Variants in NCKAP5 observed in about 807,000 individuals in gnomAD.
NCKAP5 encodes nck-associated protein 5.
NCKAP5 carries 92 observed loss-of-function variants against 167.0 expected under a neutral mutation model. The ratio of observed to expected loss-of-function variants is 0.55; its 90% CI spans 0.47 to 0.66. NCKAP5 has a LOEUF of 0.66. Ranked by LOEUF, NCKAP5 falls within the 30% of genes least tolerant of loss-of-function variation. The pLI is 0.00. For synonymous variants in NCKAP5, 891 were observed against 877.4 expected (o/e 1.02, Z -0.27); for missense variants, 2,378 against 2,315.0 (o/e 1.03, Z -0.56).
intron 3 of NCKAP5, among the ~76,000 whole-genome samples, chr2:133,344,259 A>G (rs1683799005): frequency 6.6e-6 from 1 of 152,078 alleles, no homozygotes. Context: ...AAATACAAAA[A>G]TTAGCTAGGC....
intron 6 of NCKAP5, among the ~76,000 whole-genome samples, chr2:133,059,514 A>T (rs1288948948): frequency 6.6e-6 from 1 of 151,480 alleles, no homozygotes; most frequent in Non-Finnish European, 1.5e-5. Context: ...CTACAAAAAA[A>T]TTACAAAAAT....
chr2:132,965,904 T>TTGTGTGTGTGTGTGTGTGTG (rs60589235), intron 7 of NCKAP5, among the ~76,000 whole-genome samples: 8 of 140,960 alleles, frequency 5.7e-5, no homozygotes, highest in African/African-American at 1.8e-4. Context: ...ACATGACTCT[T>TTGTGTGTGTGTGTGTGTGTG]TGTGTGTGTG....
At chr2:133,326,492 A>T (rs1008039582) in intron 3 of NCKAP5, among the ~76,000 whole-genome samples, 1 of 151,834 alleles carries the variant, frequency 6.6e-6, no homozygotes, top group African/African-American at 2.4e-5. Context: ...AGAAAAAGAA[A>T]GACAACAAAG....
At chr2:133,153,833 C>CTTTTTTTTTT (rs570596198) in intron 5 of NCKAP5, among the ~76,000 whole-genome samples, 1 of 109,764 alleles carries the variant, frequency 9.1e-6, no homozygotes, top group African/African-American at 3.7e-5. Flanking sequence ...GTTCCTCCTT[C>CTTTTTTTTTT]TTTTTTTTTT....
intron 16 of NCKAP5, among the ~76,000 whole-genome samples, chr2:132,739,739 A>G (rs1034679534): frequency 6.6e-6 from 1 of 152,150 alleles, no homozygotes; most frequent in Non-Finnish European, 1.5e-5. Flanking sequence ...CCTTTTGGCA[A>G]TCATTTCCCT....
chr2:132,726,626 G>C (rs1392204204), intron 18 of NCKAP5, among the ~76,000 whole-genome samples: 3 of 152,206 alleles, frequency 2.0e-5, no homozygotes, highest in African/African-American at 7.2e-5. Flanking sequence ...ATGGGTCTCT[G>C]AAGTTTGTTT....
chr2:133,327,257 T>C (rs753666646), intron 3 of NCKAP5, among the ~76,000 whole-genome samples: 1 of 152,210 alleles, frequency 6.6e-6, no homozygotes. Context: ...GGAAGCACAA[T>C]ACAGCTTCCA....
chr2:133,213,602 ATTAAG>A, intron 5 of NCKAP5, 109 bp downstream of exon 5: 1 of 994,726 alleles, frequency 1.0e-6, no homozygotes, highest in Non-Finnish European at 1.5e-6. Context: ...CCAAAATATC[ATTAAG>A]TTTGCTGCAA....
At chr2:133,515,493 G>A (rs1282036975) in intron 3 of NCKAP5, among the ~76,000 whole-genome samples, 1 of 152,152 alleles carries the variant, frequency 6.6e-6, no homozygotes, top group African/African-American at 2.4e-5. Flanking sequence ...GCATGACACA[G>A]GGAGACTTAA....
intron 11 of NCKAP5, among the ~76,000 whole-genome samples, chr2:132,817,257 C>T (rs114576880): frequency 2.4e-4 from 37 of 152,278 alleles, no homozygotes; most frequent in African/African-American, 8.4e-4. Context: ...AATACCATCT[C>T]ATTATTGACA....
intron 5 of NCKAP5, among the ~76,000 whole-genome samples, chr2:133,168,760 C>A (rs1574253896): frequency 6.6e-6 from 1 of 152,132 alleles, no homozygotes; most frequent in South Asian, 2.1e-4. Flanking sequence ...TCGCTTCAAT[C>A]CATTTTTCCC....
At chr2:132,717,586 A>C (rs1185594115) in intron 19 of NCKAP5, among the ~76,000 whole-genome samples, 1 of 152,200 alleles carries the variant, frequency 6.6e-6, no homozygotes, top group Non-Finnish European at 1.5e-5. Flanking sequence ...ATTAGTTATG[A>C]ATCTCTAAAT....
chr2:132,879,272 C>G (rs1430068721), intron 8 of NCKAP5, among the ~76,000 whole-genome samples: 1 of 152,080 alleles, frequency 6.6e-6, no homozygotes, highest in Non-Finnish European at 1.5e-5. Flanking sequence ...CATTAAGGCC[C>G]ATCACAGACT....
At chr2:132,850,167 T>C (rs1254320674) in intron 11 of NCKAP5, among the ~76,000 whole-genome samples, 2 of 152,198 alleles carry the variant, frequency 1.3e-5, no homozygotes, top group Non-Finnish European at 2.9e-5. Flanking sequence ...TAGATCCATG[T>C]CCTTATTCAG....
chr2:133,471,422 G>T (rs1679296535), intron 3 of NCKAP5, among the ~76,000 whole-genome samples: 1 of 152,148 alleles, frequency 6.6e-6, no homozygotes, highest in East Asian at 1.9e-4. Flanking sequence ...AAAAGCAAAT[G>T]ACATTTCTCT....
intron 3 of NCKAP5, among the ~76,000 whole-genome samples, chr2:133,317,146 A>G (rs1681665850): frequency 6.6e-6 from 1 of 152,216 alleles, no homozygotes; most frequent in South Asian, 2.1e-4. Context: ...TGTATCACCA[A>G]TAGAGAACAT....
At chr2:133,470,061 C>T (rs1045167425) in intron 3 of NCKAP5, among the ~76,000 whole-genome samples, 5 of 152,136 alleles carry the variant, frequency 3.3e-5, no homozygotes, top group African/African-American at 9.7e-5. Context: ...TGAGGAACTG[C>T]GTTCCTTTGG....
intron 8 of NCKAP5, among the ~76,000 whole-genome samples, chr2:132,920,305 T>C (rs1695215215): frequency 6.6e-6 from 1 of 152,072 alleles, no homozygotes. Context: ...AGGTCCTAGG[T>C]AGGAATAACA....
intron 3 of NCKAP5, among the ~76,000 whole-genome samples, chr2:133,362,792 C>T (rs932774644): frequency 1.3e-5 from 2 of 152,102 alleles, no homozygotes; most frequent in Non-Finnish European, 2.9e-5. Flanking sequence ...CTTGCTCTGT[C>T]GCCCAGGCTG....
Sources: gnomAD v4.1 joint callset for allele counts (sites outside exome capture counted in the v4.1 genomes callset) on GRCh38, gnomAD v4.1.1 for gene constraint, MANE v1.5 for transcripts, NCBI Gene and HGNC (gene_info 2026-07-23, HGNC 2026-07-21) for gene names.